PCDH11X: variants seen among roughly 807,000 people sequenced by gnomAD.
PCDH11X encodes the protein protocadherin-11 X-linked.
A neutral mutation model predicts 53.3 loss-of-function variants in PCDH11X; 18 were observed. The ratio of observed to expected loss-of-function variants is 0.34; its 90% confidence interval spans 0.23 to 0.50. The LOEUF (loss-of-function observed/expected upper bound fraction) is 0.50, where lower values mean the gene tolerates loss of function less well. Ranked by LOEUF, PCDH11X falls within the 20% of genes least tolerant of loss-of-function variation. The pLI is 0.98. For synonymous variants in PCDH11X, 279 were observed against 393.3 expected (o/e 0.71, Z 3.44); for missense variants, 570 against 1,032.4 (o/e 0.55, Z 6.14).
chrX:92,255,934 G>A (rs1180218209), intron 7 of PCDH11X, among the ~76,000 whole-genome samples: 7 of 112,628 alleles, frequency 6.2e-5, no homozygotes, highest in African/African-American at 1.3e-4. Context: ...GAGGCAGGCA[G>A]GCCTCCTTGA....
intron 8 of PCDH11X, among the ~76,000 whole-genome samples, chrX:92,311,899 TA>T (rs1282288780): frequency 9.0e-6 from 1 of 111,731 alleles, no homozygotes; most frequent in Non-Finnish European, 1.9e-5. Flanking sequence ...AAGGAAGCAG[TA>T]GGATATTAAG....
At chrX:92,195,211 C>G (rs994464112) in intron 6 of PCDH11X, among the ~76,000 whole-genome samples, 2 of 111,285 alleles carry the variant, frequency 1.8e-5, no homozygotes, top group East Asian at 5.7e-4. Context: ...TGTTAAAGCT[C>G]TGAGCTTTCT....
chrX:92,289,798 TG>T (rs200647407), intron 8 of PCDH11X, among the ~76,000 whole-genome samples: 1,177 of 110,895 alleles, frequency 0.011, 14 homozygotes, highest in African/African-American at 0.037. Flanking sequence ...TATTTACTTT[TG>T]TTCTTTTAAA....
In PCDH11X at chrX:91,951,419, T is replaced by C. The variant is rs752553117; in HGVS notation, c.3033+72146T>C. 2.8e-3 allele frequency among the ~76,000 whole-genome samples: 294 copies of C among 105,871 alleles called. 1 individual carries two copies. The highest frequency in any genetic ancestry group is 9.5e-3 in the African/African-American group (276 of 29,076). 91.9% of individuals were successfully genotyped at this position (105,871 alleles called of 115,157 possible). On this transcript the variant is annotated intron_variant, in intron 6 of 10. Coordinates refer to ENST00000682573, the MANE Select transcript of PCDH11X (RefSeq NM_032968.5). ...ATTCTAAATATGTCAACATTCATAA[T>C]AGATCTAGAAATTATTTACATAATC...
intron 6 of PCDH11X, among the ~76,000 whole-genome samples, chrX:92,174,358 G>A (rs988883401): frequency 5.4e-5 from 6 of 111,555 alleles, no homozygotes; most frequent in African/African-American, 6.5e-5. Flanking sequence ...TTGACATTGA[G>A]TTCACACTCT....
At chrX:92,259,291 C>T (rs1358612583) in intron 7 of PCDH11X, among the ~76,000 whole-genome samples, 1 of 110,677 alleles carries the variant, frequency 9.0e-6, no homozygotes, top group African/African-American at 3.3e-5. Context: ...AAATAAATAT[C>T]GGAGACTGGG....
chrX:92,276,422 C>G (rs918078231), intron 8 of PCDH11X, among the ~76,000 whole-genome samples: 7 of 109,991 alleles, frequency 6.4e-5, no homozygotes, highest in African/African-American at 2.0e-4. Flanking sequence ...TTGAACAGTC[C>G]GATTTCCAGT....
chrX:92,484,108 G>GTA (rs1366709152), intron 10 of PCDH11X, among the ~76,000 whole-genome samples: 1 of 96,763 alleles, frequency 1.0e-5, no homozygotes, highest in Admixed American at 1.2e-4. Flanking sequence ...GTGTGTGTGT[G>GTA]TATATATATA....
chrX:91,966,014 T>A lies in PCDH11X; in HGVS notation c.3033+86741T>A, dbSNP rs776094870. Among the ~76,000 whole-genome samples, 3 of 111,176 alleles carry A rather than the reference T, an allele frequency of 2.7e-5. No homozygotes were observed. In the South Asian group the frequency reaches 1.2e-3, roughly 43 times the overall value. ...CTCTCCTTGACTGTCTAAAATTAGGTTTTTATATAGTGGGGAAGAAATGTA... is the reference window on the plus strand; with the variant it reads ...CTCTCCTTGACTGTCTAAAATTAGGATTTTATATAGTGGGGAAGAAATGTA... On this transcript the variant is annotated intron_variant, in intron 6 of 10. Transcript: ENST00000682573.
intron 6 of PCDH11X, among the ~76,000 whole-genome samples, chrX:91,923,663 T>C (rs1194167203): frequency 9.6e-6 from 1 of 104,671 alleles, no homozygotes; most frequent in Non-Finnish European, 2.0e-5. Flanking sequence ...AGACTTCACC[T>C]TGTGATTGTG....
intron 9 of PCDH11X, among the ~76,000 whole-genome samples, chrX:92,434,686 T>TA (rs1333532357): frequency 9.4e-6 from 1 of 106,041 alleles, no homozygotes; most frequent in Admixed American, 1.0e-4. Context: ...ATTTTTTTTT[T>TA]ATCATTATTA....
chrX:92,485,307 A>C (rs779355834), intron 10 of PCDH11X, among the ~76,000 whole-genome samples: 1 of 111,166 alleles, frequency 9.0e-6, no homozygotes, highest in South Asian at 3.7e-4. Context: ...ATAATGATGT[A>C]GGAAAATATC....
intron 1 of PCDH11X, among the ~76,000 whole-genome samples, chrX:91,807,797 T>G (rs1478330008): frequency 9.0e-6 from 1 of 110,834 alleles, no homozygotes; most frequent in African/African-American, 3.3e-5. Context: ...ATGATAAACA[T>G]TAATGGGAAA....
intron 6 of PCDH11X, among the ~76,000 whole-genome samples, chrX:91,931,238 A>G (rs1431263624): frequency 9.1e-6 from 1 of 110,097 alleles, no homozygotes; most frequent in Non-Finnish European, 1.9e-5. Flanking sequence ...AACCTTTTTG[A>G]AAGTTTTTAG....
intron 6 of PCDH11X, among the ~76,000 whole-genome samples, chrX:91,897,884 G>A (rs746129279): frequency 8.9e-6 from 1 of 111,912 alleles, no homozygotes; most frequent in East Asian, 2.8e-4. Context: ...TTAATTCAAG[G>A]AAAATTCCGT....
chrX:92,061,513 A>C (rs2063524201), intron 6 of PCDH11X, among the ~76,000 whole-genome samples: 1 of 107,002 alleles, frequency 9.3e-6, no homozygotes, highest in East Asian at 3.0e-4. Flanking sequence ...ATGTATGGTG[A>C]GAGGAATGGG....
At chrX:92,050,103 CA>C (rs2063347974) in intron 6 of PCDH11X, among the ~76,000 whole-genome samples, 1 of 111,040 alleles carries the variant, frequency 9.0e-6, no homozygotes, top group Non-Finnish European at 1.9e-5. Flanking sequence ...CCAAATGTAA[CA>C]AAATATTTGG....
chrX:92,492,994 G>A (rs772782144), intron 10 of PCDH11X, among the ~76,000 whole-genome samples: 21 of 111,616 alleles, frequency 1.9e-4, no homozygotes, highest in East Asian at 1.4e-3. Context: ...TTGAGAGCCC[G>A]TTATTTAATG....
At chrX:92,011,025 C>A (rs2062681497) in intron 6 of PCDH11X, among the ~76,000 whole-genome samples, 1 of 110,969 alleles carries the variant, frequency 9.0e-6, no homozygotes, top group Non-Finnish European at 1.9e-5. Context: ...TGGCCTACAG[C>A]CACATCCATG....
Sources: allele counts gnomAD v4.1 joint callset (sites outside exome capture counted in the v4.1 genomes callset), GRCh38; gene constraint gnomAD v4.1.1; transcripts MANE v1.5; gene names NCBI Gene and HGNC (gene_info 2026-07-23, HGNC 2026-07-21).